CACNA2D4: variants seen among roughly 807,000 people sequenced by gnomAD.
The protein encoded by CACNA2D4 is voltage-dependent calcium channel subunit alpha-2/delta-4.
CACNA2D4 carries 157 observed loss-of-function variants against 163.8 expected under a neutral mutation model. That is an observed-to-expected ratio of 0.96 (90% CI 0.84 to 1.09). The LOEUF is 1.09. Ranked by LOEUF, CACNA2D4 falls within the 50% of genes least tolerant of loss-of-function variation. The pLI is 0.00. For synonymous variants in CACNA2D4, 598 were observed against 586.9 expected, an observed-to-expected ratio of 1.02 and a Z score of -0.27; for missense variants, 1,410 against 1,479.9, an observed-to-expected ratio of 0.95 and a Z score of 0.78.
rs898471387 is a variant in CACNA2D4, at chr12:1,828,175, G to A, written c.2551+12564C>T. On this transcript the variant is annotated intron_variant, in intron 26 of 37. Transcript: ENST00000382722. This position sits in a 1 kb window ranked among gnomAD's most constrained non-coding sequence, Gnocchi z 4.2. ...TGCTGGCGCCGGGCAGCAGCCCTGGGCAGAGGGGCAGGCTCGCCCTGCAGT... is the reference window on the plus strand; with the variant it reads ...TGCTGGCGCCGGGCAGCAGCCCTGGACAGAGGGGCAGGCTCGCCCTGCAGT... The A allele has an allele frequency of 3.9e-6, 6 of 1,546,660 alleles. No individual in the cohort carries two copies. The African/African-American group carries it at 5.5e-5, about 14-fold the overall frequency.
intron 16 of CACNA2D4, among the ~76,000 whole-genome samples, chr12:1,877,580 C>G (rs553686241): frequency 2.6e-5 from 4 of 152,186 alleles, no homozygotes; most frequent in Admixed American, 6.5e-5. Flanking sequence ...ACTGACCTCT[C>G]CAAATGACAC....
At position 1,846,619 on chromosome 12, in the gene CACNA2D4, C is replaced by A; in HGVS notation, c.2317G>T (p.Val773Leu). 2 of 1,602,076 alleles carry A rather than the reference C, an allele frequency of 1.2e-6. No homozygotes were observed. The highest frequency in any genetic ancestry group is 1.7e-6 in the Non-Finnish European group (2 of 1,176,782). Residue 773 changes from valine (V) to leucine (L), a missense_variant, in exon 24 of 38, where the codon GTG becomes TTG. Val to Leu is a conservative substitution (Grantham distance 32). Transcript: ENST00000382722. ...CTGTCGGAGACCTTCTCGGAGCCCA[C>A]GAACAAGCTGCTTCTCAGGAGGCCA... Reference protein sequence around the residue: ...RAGLLRSSLFVGSEKVSDRKF... With the variant: ...RAGLLRSSLFLGSEKVSDRKF...
chr12:1,851,841 G>A (rs1039987409), intron 23 of CACNA2D4, among the ~76,000 whole-genome samples: 27 of 151,966 alleles, frequency 1.8e-4, no homozygotes, highest in African/African-American at 6.3e-4. Flanking sequence ...TTGAAGTCTC[G>A]TATCCAAAAA....
At chr12:1,824,442 T>G (rs1279818321) in intron 26 of CACNA2D4, among the ~76,000 whole-genome samples, 1 of 152,222 alleles carries the variant, frequency 6.6e-6, no homozygotes, top group African/African-American at 2.4e-5. Context: ...TTGACTGCTT[T>G]GAGCTCTTCA....
intron 2 of CACNA2D4, 30 bp downstream of exon 2, chr12:1,914,824 C>G (rs201262755): frequency 2.6e-6 from 4 of 1,547,420 alleles, no homozygotes; most frequent in South Asian, 1.1e-5. Context: ...CTCTGCCACC[C>G]GGTGGGCTCT....
intron 13 of CACNA2D4, among the ~76,000 whole-genome samples, chr12:1,882,173 A>C (rs1471112456): frequency 6.6e-6 from 1 of 152,228 alleles, no homozygotes; most frequent in Non-Finnish European, 1.5e-5. Flanking sequence ...AGGGGACAGC[A>C]GGGAGGAGCC....
chr12:1,873,892 C>T (rs995409952), intron 18 of CACNA2D4, among the ~76,000 whole-genome samples: 1 of 152,198 alleles, frequency 6.6e-6, no homozygotes, highest in African/African-American at 2.4e-5. Flanking sequence ...TCTTGTTTGG[C>T]TTTCATGGAG....
intron 6 of CACNA2D4, among the ~76,000 whole-genome samples, chr12:1,899,588 TAGAA>T (rs1478745339): frequency 6.6e-6 from 1 of 152,050 alleles, no homozygotes; most frequent in Non-Finnish European, 1.5e-5. Flanking sequence ...TTCTAAGAAA[TAGAA>T]AGCCACATTA....
intron 29 of CACNA2D4, among the ~76,000 whole-genome samples, chr12:1,803,654 C>T (rs1316121221): frequency 6.6e-6 from 1 of 152,200 alleles, no homozygotes; most frequent in Admixed American, 6.5e-5. Context: ...CAGATTCAGA[C>T]AAAGGTGCTC....
intron 6 of CACNA2D4, among the ~76,000 whole-genome samples, chr12:1,890,688 T>A (rs1429655519): frequency 1.3e-5 from 2 of 152,154 alleles, no homozygotes; most frequent in African/African-American, 2.4e-5. Context: ...ACCCCACCCT[T>A]GCCTACCACA....
At position 1,804,756 on chromosome 12, in the gene CACNA2D4, G is replaced by C. The variant is rs1681437241; in HGVS notation, c.2722-3112C>G. Among the ~76,000 whole-genome samples the C allele has an allele frequency of 2.0e-5, 3 of 152,258 alleles. No homozygotes were observed. In the South Asian group the frequency reaches 6.2e-4, roughly 31 times the overall value. ...CTGCCTCTTCCCCATCCTCGCTCTT[G>C]CGCTCTGGGAAGTGGACTCGAAGGC... On this transcript the variant is annotated intron_variant, in intron 29 of 37. Transcript: ENST00000382722.
chr12:1,792,840 A>G lies in CACNA2D4; in HGVS notation c.*815T>C, dbSNP rs991051302. On this transcript the variant is annotated 3_prime_UTR_variant, in exon 38 of 38. Coordinates refer to ENST00000382722, the MANE Select transcript of CACNA2D4 (RefSeq NM_172364.5). ...AGCACAACCACTGCTCTTTTTCACT[A>G]TTTTACAGCTATTTTTGCCGTCCCC... 4 of 152,078 alleles carry G rather than the reference A, an allele frequency of 2.6e-5. No individual in the cohort carries two copies. Among genetic ancestry groups the G allele is most frequent in the Non-Finnish European group, 5.9e-5 (4 of 68,026 alleles). 9.4% of individuals were successfully genotyped at this position (152,078 alleles called of 1,614,324 possible). A position where few individuals can be genotyped will look rare whatever the true frequency, so the allele number is the denominator to read the frequency against.
chr12:1,845,287 C>A (rs1350311817), intron 24 of CACNA2D4, among the ~76,000 whole-genome samples: 1 of 149,952 alleles, frequency 6.7e-6, no homozygotes, highest in Non-Finnish European at 1.5e-5. Context: ...CTGTCTGCCT[C>A]GAATCTCCTG....
chr12:1,858,583 C>G lies in CACNA2D4; in HGVS notation c.2002G>C (p.Glu668Gln), dbSNP rs1555182731. ...EYILLGNTSV[E>Q]EGLHDLLHPD... Reference sequence around the variant, plus strand: ...GCCCCTGGTACCGACCCACCTTCTTCCACAGACGTGTTCCCCAGAAGGATG... The same window carrying G: ...GCCCCTGGTACCGACCCACCTTCTTGCACAGACGTGTTCCCCAGAAGGATG... The change falls in exon 20 of 38, where the codon GAA becomes CAA. Residue 668 changes from glutamate to glutamine, a missense_variant. Coordinates refer to ENST00000382722, the MANE Select transcript of CACNA2D4 (RefSeq NM_172364.5). 1 of 1,613,512 alleles carries G rather than the reference C, an allele frequency of 6.2e-7. No individual in the cohort carries two copies. The highest frequency in any genetic ancestry group is 1.3e-5 in the African/African-American group (1 of 74,912).
intron 4 of CACNA2D4, among the ~76,000 whole-genome samples, chr12:1,909,204 T>C (rs1376906443): frequency 6.6e-6 from 1 of 151,916 alleles, no homozygotes; most frequent in Non-Finnish European, 1.5e-5. Flanking sequence ...ATTTATTTAT[T>C]TATTTGAGAC....
intron 18 of CACNA2D4, among the ~76,000 whole-genome samples, chr12:1,872,422 C>A (rs78142523): frequency 6.6e-6 from 1 of 152,182 alleles, no homozygotes; most frequent in Non-Finnish European, 1.5e-5. Context: ...GGTCCTGTAC[C>A]GGGAGATGGC....
intron 4 of CACNA2D4, among the ~76,000 whole-genome samples, chr12:1,909,255 G>T (rs1435383161): frequency 6.6e-6 from 1 of 152,180 alleles, no homozygotes; most frequent in Non-Finnish European, 1.5e-5. Context: ...GCAGTGGCGC[G>T]ATCTCGGCTC....
At chr12:1,884,006 G>C in intron 12 of CACNA2D4, 1 of 516,260 alleles carries the variant, frequency 1.9e-6, no homozygotes, top group East Asian at 2.9e-5. Context: ...AGCAGAACCA[G>C]AGTCCATGGC....
intron 27 of CACNA2D4, among the ~76,000 whole-genome samples, chr12:1,811,267 G>A (rs530598779): frequency 4.6e-5 from 7 of 152,346 alleles, no homozygotes; most frequent in South Asian, 2.1e-4. Context: ...CCAGTAGAAC[G>A]GACAGGACGA....
Sources: gnomAD v4.1 joint callset for allele counts (sites outside exome capture counted in the v4.1 genomes callset) on GRCh38, gnomAD v4.1.1 for gene constraint, Gnocchi (gnomAD v3.1) non-coding constraint, MANE v1.5 for transcripts, NCBI Gene and HGNC (gene_info 2026-07-23, HGNC 2026-07-21) for gene names.